The following CDH16 variants were observed in gnomAD, a reference collection of about 807,000 sequenced individuals.
CDH16 encodes the protein cadherin-16.
CDH16 carries 79 observed loss-of-function variants against 87.6 expected under a neutral mutation model. That is an observed-to-expected ratio of 0.90 (90% CI 0.75 to 1.09). CDH16 has a LOEUF of 1.09. Among genes scored for constraint, CDH16 ranks in the 50% least tolerant of loss-of-function variants. The pLI is 0.00. For synonymous variants in CDH16, 457 were observed against 439.5 expected, an observed-to-expected ratio of 1.04 and a Z score of -0.50; for missense variants, 1,124 against 1,071.7, an observed-to-expected ratio of 1.05 and a Z score of -0.68.
At chr16:66,918,639 C>T (rs959696816) in intron 1 of CDH16, among the ~76,000 whole-genome samples, 165 bp downstream of exon 1, 7 of 152,224 alleles carry the variant, frequency 4.6e-5, no homozygotes, top group African/African-American at 1.7e-4. Flanking sequence ...TTTTCCAGCC[C>T]TTGTCATGGA....
intron 3 of CDH16, among the ~76,000 whole-genome samples, chr16:66,917,248 G>A (rs9888897): frequency 0.021 from 3,146 of 152,182 alleles, 113 homozygotes; most frequent in African/African-American, 0.071. Flanking sequence ...GCAGTGAGCT[G>A]AGAACATGCT....
chr16:66,913,031 G>A (rs745780056), intron 9 of CDH16, 100 bp downstream of exon 9: 44 of 1,294,252 alleles, frequency 3.4e-5, no homozygotes, highest in Admixed American at 7.4e-5. Context: ...TGTTATGGAG[G>A]GACATTGACA....
chr16:66,916,297 C>T lies in CDH16; in HGVS notation c.262G>A (p.Glu88Lys), dbSNP rs766472750. 10 of 1,613,756 alleles carry T rather than the reference C, an allele frequency of 6.2e-6. No individual in the cohort carries two copies. Among genetic ancestry groups the T allele is most frequent in the Admixed American group, 1.7e-5 (1 of 60,004 alleles). ...LLVTRALDREEQAEYQLQVTL... is the reference protein window; with the variant it reads ...LLVTRALDREKQAEYQLQVTL... Reference sequence around the variant, plus strand: ...ACCTGTAGCTGGTACTCTGCCTGCTCCTCTCGGTCCAGGGCCCTGGTCACC... The same window carrying T: ...ACCTGTAGCTGGTACTCTGCCTGCTTCTCTCGGTCCAGGGCCCTGGTCACC... The change falls in exon 4 of 18, where the codon GAG (glutamate) becomes AAG (lysine). Residue 88 changes from glutamate to lysine, a missense_variant. Glu to Lys is a moderately conservative substitution (Grantham distance 56). Transcript: ENST00000299752. This position sits in a 1 kb window ranked among gnomAD's most constrained non-coding sequence, Gnocchi z 4.1.
intron 1 of CDH16, among the ~76,000 whole-genome samples, 179 bp downstream of exon 1, chr16:66,918,622 CTCA>C (rs1456854963): frequency 2.6e-5 from 4 of 152,224 alleles, no homozygotes; most frequent in African/African-American, 7.2e-5. Flanking sequence ...CGGCCCTTGT[CTCA>C]TCATTTTCCA....
Position 66,910,520 on chromosome 16 carries a change from C to T in CDH16, c.1925-18G>A. 1 of 1,488,242 alleles carries T rather than the reference C, an allele frequency of 6.7e-7. No individual in the cohort carries two copies. Among genetic ancestry groups the T allele is most frequent in the Non-Finnish European group, 9.0e-7 (1 of 1,115,606 alleles). 92.2% of individuals were successfully genotyped at this position (1,488,242 alleles called of 1,614,324 possible). ...CGGCTCATCTGCAGAGGAGGCAGTG[C>T]TGAGCTGGCCAGGTGTTGCCAGGGG... On this transcript the variant is annotated intron_variant, in intron 14 of 17. Coordinates refer to ENST00000299752, the MANE Select transcript of CDH16 (RefSeq NM_004062.4).
chr16:66,913,433 C>T, intron 8 of CDH16, 58 bp downstream of exon 8: 1 of 1,609,888 alleles, frequency 6.2e-7, no homozygotes, highest in East Asian at 2.2e-5. Context: ...CCCCAAAAGC[C>T]AACTGGACAC....
At chr16:66,917,794 A>G in intron 2 of CDH16, 69 bp from the exon 3 acceptor site, 7 of 1,390,094 alleles carry the variant, frequency 5.0e-6, no homozygotes, top group Non-Finnish European at 7.0e-6. Flanking sequence ...CCAACAGAAG[A>G]GCGGAATTTC....
Position 66,909,151 on chromosome 16 carries a change from G to T in CDH16, c.2392+116C>A. 1 of 726,336 alleles carries T rather than the reference G, an allele frequency of 1.4e-6. No individual in the cohort carries two copies. The highest frequency in any genetic ancestry group is 2.5e-6 in the Non-Finnish European group (1 of 397,686). 45.0% of individuals were successfully genotyped at this position (726,336 alleles called of 1,614,324 possible). On this transcript the variant is annotated intron_variant, in intron 17 of 17. Transcript: ENST00000299752. The surrounding 1 kb of genome is among the most constrained non-coding windows in gnomAD (Gnocchi z 4.1). ...CAGGCGCATAATGACTAGGAGAGTT[G>T]GGGGCTTCCTTTTTCAGAGCTAGGG...
chr16:66,908,297 T>A lies in CDH16; in HGVS notation c.*95A>T. ...GGCAGATGGAGGGGCTTCTACTCTG[T>A]CCTGTCCCCTGCTGGATCTTGGGTG... On this transcript the variant is annotated 3_prime_UTR_variant, in exon 18 of 18. Coordinates refer to ENST00000299752, the MANE Select transcript of CDH16 (RefSeq NM_004062.4). The A allele has an allele frequency of 1.0e-6, 1 of 1,000,894 alleles. No homozygotes were observed. The highest frequency in any genetic ancestry group is 1.6e-6 in the Non-Finnish European group (1 of 638,254). The allele number at this position is 1,000,894 out of a possible 1,614,324, so 62.0% of individuals were successfully genotyped here.
Position 66,912,041 on chromosome 16 carries a change from T to A in CDH16, c.1648A>T (p.Thr550Ser), listed in dbSNP as rs1352376310. Residue 550 changes from threonine to serine, a missense_variant, in exon 13 of 18, where the codon ACG becomes TCG. Coordinates refer to ENST00000299752, the MANE Select transcript of CDH16 (RefSeq NM_004062.4). ...ACTCTCTCCACTAGCACAGTCACCG[T>A]GGCGGTGGCTCCAGGGCCTGGGCCT... ...GPGPGPGATA[T>S]VTVLVERVMP... 4 of 1,614,004 alleles carry A rather than the reference T, an allele frequency of 2.5e-6. No individual in the cohort carries two copies. In the African/African-American group the frequency reaches 5.3e-5, roughly 22 times the overall value.
At chr16:66,917,866 C>T (rs930922801) in intron 2 of CDH16, 141 bp from the exon 3 acceptor site, 2 of 968,900 alleles carry the variant, frequency 2.1e-6, no homozygotes, top group Non-Finnish European at 3.1e-6. Context: ...TCTTTGACCT[C>T]CTCATCCCAC....
chr16:66,909,940 A>G lies in CDH16; in HGVS notation c.2275+46T>C. The stretch of plus-strand genomic sequence containing the variant: ...TACCAGCTCCCTCCCCTTGCATCCC[A>G]GCGGTTCCCTCAGGAACTGCAGGCT... On this transcript the variant is annotated intron_variant, in intron 16 of 17. Coordinates refer to ENST00000299752, the MANE Select transcript of CDH16 (RefSeq NM_004062.4). This position sits in a 1 kb window ranked among gnomAD's most constrained non-coding sequence, Gnocchi z 4.1. The G allele has an allele frequency of 7.2e-7, 1 of 1,395,090 alleles. No homozygotes were observed. The highest frequency in any genetic ancestry group is 1.0e-6 in the Non-Finnish European group (1 of 1,002,852). The allele number at this position is 1,395,090 out of a possible 1,614,324, so 86.4% of individuals were successfully genotyped here. A position where few individuals can be genotyped will look rare whatever the true frequency, so the allele number is the denominator to read the frequency against.
At chr16:66,913,407 G>A in intron 8 of CDH16, 84 bp downstream of exon 8, 1 of 1,597,954 alleles carries the variant, frequency 6.3e-7, no homozygotes, top group Non-Finnish European at 8.5e-7. Context: ...CTCAGCCTCT[G>A]TTGTAGTTGT....
At position 66,916,051 on chromosome 16, in the gene CDH16, C is replaced by T. The variant is rs112805528; in HGVS notation, c.424+14G>A. On this transcript the variant is annotated intron_variant, in intron 5 of 17. Coordinates refer to ENST00000299752, the MANE Select transcript of CDH16 (RefSeq NM_004062.4). The surrounding 1 kb of genome is among the most constrained non-coding windows in gnomAD (Gnocchi z 4.1). ...ACCTGACCTTACTGTAAATTGGCTGCCCTGGTCACTCACCAGGCCTGGTAC... is the reference window on the plus strand; with the variant it reads ...ACCTGACCTTACTGTAAATTGGCTGTCCTGGTCACTCACCAGGCCTGGTAC... 17 of 1,613,970 alleles carry T rather than the reference C, an allele frequency of 1.1e-5. No homozygotes were observed. The African/African-American group carries it at 1.7e-4, about 16-fold the overall frequency.
rs1962707461 is a variant in CDH16 at position 66,916,979 on chromosome 16, T to C, written c.130-550A>G. On this transcript the variant is annotated intron_variant, in intron 3 of 17. Transcript: ENST00000299752. The surrounding 1 kb of genome is among the most constrained non-coding windows in gnomAD (Gnocchi z 4.1). The stretch of plus-strand genomic sequence containing the variant: ...TTCTGTCGGAATTTCACCTCTGTAC[T>C]GTCAGCTCCTTCTGGCCATAGCCTC... Among the ~76,000 whole-genome samples the C allele has an allele frequency of 6.6e-6, 1 of 152,136 alleles. No individual in the cohort carries two copies. The highest frequency in any genetic ancestry group is 1.5e-5 in the Non-Finnish European group (1 of 68,026).
At chr16:66,917,123 TA>T (rs1962712944) in intron 3 of CDH16, among the ~76,000 whole-genome samples, 1 of 109,084 alleles carries the variant, frequency 9.2e-6, no homozygotes, top group East Asian at 2.5e-4. Flanking sequence ...CTGTCTCTAC[TA>T]AAAATACAAA....
chr16:66,914,223 A>C lies in CDH16; in HGVS notation c.773T>G (p.Met258Arg), dbSNP rs552334847. 1 of 1,612,728 alleles carries C rather than the reference A, an allele frequency of 6.2e-7. No homozygotes were observed. Among genetic ancestry groups the C allele is most frequent in the Non-Finnish European group, 8.5e-7 (1 of 1,178,826 alleles). Reference protein sequence around the residue: ...ENLKVLYPHHMAQVHWSGGDV... With the variant: ...ENLKVLYPHHRAQVHWSGGDV... ...TGACAGCCACTTACTCACCTGGGCC[A>C]TGTGGTGCGGGTATAGGACTTTGAG... The change falls in exon 7 of 18, where the codon ATG becomes AGG. Residue 258 changes from methionine (M) to arginine (R), a missense_variant. Physicochemically the swap from Met to Arg is moderately conservative, Grantham distance 91 (BLOSUM62 -1). Transcript: ENST00000299752.
intron 3 of CDH16, among the ~76,000 whole-genome samples, chr16:66,917,295 G>A (rs1018754490): frequency 3.3e-5 from 5 of 151,802 alleles, no homozygotes; most frequent in East Asian, 3.9e-4. Flanking sequence ...GCGAAACTTC[G>A]TCTCAAAAGA....
intron 14 of CDH16, 157 bp downstream of exon 14, chr16:66,911,025 T>A (rs537484954): frequency 1.8e-5 from 12 of 654,084 alleles, no homozygotes; most frequent in Admixed American, 9.6e-5. Flanking sequence ...GTAGATCCAT[T>A]CTCAGAGAGG....
Sources: allele counts gnomAD v4.1 joint callset (sites outside exome capture counted in the v4.1 genomes callset), GRCh38; gene constraint gnomAD v4.1.1; non-coding constraint Gnocchi (gnomAD v3.1); transcripts MANE v1.5; gene names NCBI Gene and HGNC (gene_info 2026-07-23, HGNC 2026-07-21).